Variants in DGKB observed in about 807,000 individuals in gnomAD.
DGKB encodes 90 kDa diacylglycerol kinase.
A neutral mutation model predicts 114.3 loss-of-function variants in DGKB; 67 were observed. The observed-to-expected ratio is 0.59, with a 90% CI of 0.48 to 0.72. The LOEUF is 0.72. Among genes scored for constraint, DGKB ranks in the 30% least tolerant of loss-of-function variants. DGKB has a pLI of 0.00. For synonymous variants in DGKB, 398 were observed against 323.1 expected (o/e 1.23, Z -2.49); for missense variants, 907 against 975.2 (o/e 0.93, Z 0.93).
chr7:14,422,115 G>C (rs759603954), intron 21 of DGKB, among the ~76,000 whole-genome samples: 15 of 151,936 alleles, frequency 9.9e-5, no homozygotes, highest in Non-Finnish European at 1.6e-4. Flanking sequence ...TCAATTTGCT[G>C]AATCATATTA....
chr7:14,939,351 T>G (rs1230802865), intron 1 of DGKB, among the ~76,000 whole-genome samples: 1 of 152,196 alleles, frequency 6.6e-6, no homozygotes, highest in East Asian at 1.9e-4. Flanking sequence ...AAAGTAGTGC[T>G]TATCGCATTA....
chr7:14,368,573 CTGTGTGTGTG>C (rs3069084), intron 21 of DGKB, among the ~76,000 whole-genome samples: 6 of 148,728 alleles, frequency 4.0e-5, no homozygotes, highest in East Asian at 2.0e-4. Context: ...GGTATTTTCT[CTGTGTGTGTG>C]TGTGTGTGTG....
intron 23 of DGKB, among the ~76,000 whole-genome samples, chr7:14,182,605 C>T (rs1672784860): frequency 6.6e-6 from 1 of 152,036 alleles, no homozygotes; most frequent in Admixed American, 6.6e-5. Flanking sequence ...TCTTTATAAA[C>T]TTTATAAATC....
At chr7:14,616,363 T>C (rs1806521149) in intron 15 of DGKB, among the ~76,000 whole-genome samples, 3 of 151,486 alleles carry the variant, frequency 2.0e-5, no homozygotes, top group Admixed American at 1.3e-4. Context: ...TGTAGTTAGG[T>C]ACCAACGTTA....
At chr7:14,170,260 G>C (rs1018845175) in intron 25 of DGKB, among the ~76,000 whole-genome samples, 1 of 152,074 alleles carries the variant, frequency 6.6e-6, no homozygotes, top group Non-Finnish European at 1.5e-5. Context: ...ATAATTAAGA[G>C]ATTAAAACCC....
At chr7:14,408,799 A>T (rs902204156) in intron 21 of DGKB, among the ~76,000 whole-genome samples, 2 of 152,092 alleles carry the variant, frequency 1.3e-5, no homozygotes, top group African/African-American at 4.8e-5. Flanking sequence ...TTTTTTTTCA[A>T]CAAATATATT....
chr7:14,753,791 T>A, intron 4 of DGKB, 137 bp downstream of exon 4: 1 of 667,928 alleles, frequency 1.5e-6, no homozygotes, highest in Non-Finnish European at 2.6e-6. Flanking sequence ...AACCTATGAG[T>A]ATTATAGGCA....
intron 9 of DGKB, among the ~76,000 whole-genome samples, chr7:14,689,530 A>G (rs1822444254): frequency 6.6e-6 from 1 of 152,154 alleles, no homozygotes; most frequent in Non-Finnish European, 1.5e-5. Context: ...GAGAATGCAG[A>G]GAAAAGTTTT....
chr7:14,746,577 C>T (rs150041045), intron 4 of DGKB, among the ~76,000 whole-genome samples: 1 of 152,162 alleles, frequency 6.6e-6, no homozygotes, highest in African/African-American at 2.4e-5. Context: ...TGGCTCACTG[C>T]AACTTCCGCC....
intron 20 of DGKB, among the ~76,000 whole-genome samples, chr7:14,556,319 A>C: frequency 6.6e-6 from 1 of 152,256 alleles, no homozygotes; most frequent in Non-Finnish European, 1.5e-5. Context: ...TTAGAGGTTT[A>C]AAAAATATAT....
intron 15 of DGKB, among the ~76,000 whole-genome samples, chr7:14,615,624 T>C (rs1327871603): frequency 6.6e-6 from 1 of 151,854 alleles, no homozygotes; most frequent in African/African-American, 2.4e-5. Context: ...AGAGCAATGA[T>C]GATATTCCAC....
At chr7:14,796,374 A>T (rs1305769366) in intron 2 of DGKB, among the ~76,000 whole-genome samples, 1 of 152,192 alleles carries the variant, frequency 6.6e-6, no homozygotes, top group Admixed American at 6.5e-5. Context: ...AAAAAATTAA[A>T]GTTGAACACA....
At chr7:14,860,179 A>G (rs1850765221) in intron 1 of DGKB, among the ~76,000 whole-genome samples, 1 of 152,276 alleles carries the variant, frequency 6.6e-6, no homozygotes, top group Admixed American at 6.5e-5. Flanking sequence ...TAAAAAGGAC[A>G]GCATAATATA....
At chr7:14,691,186 A>G (rs1016902458) in intron 9 of DGKB, among the ~76,000 whole-genome samples, 3 of 152,218 alleles carry the variant, frequency 2.0e-5, no homozygotes, top group South Asian at 2.1e-4. Flanking sequence ...TTACATTAGA[A>G]GTGAAGATTA....
In DGKB at chr7:14,871,580, G is replaced by A. The variant is rs1852464647; in HGVS notation, c.-187-30130C>T. On this transcript the variant is annotated intron_variant, in intron 1 of 25. Transcript: ENST00000402815. ...GGGATGCTAATACGCCTAGATACTT[G>A]GTATGCTATGATCACCTGGAATTTA... Among the ~76,000 whole-genome samples the A allele has an allele frequency of 2.0e-5, 3 of 152,146 alleles. No individual in the cohort carries two copies. In the South Asian group the frequency reaches 6.2e-4, roughly 32 times the overall value.
intron 1 of DGKB, among the ~76,000 whole-genome samples, chr7:14,882,567 A>T (rs1854402179): frequency 6.6e-6 from 1 of 151,980 alleles, no homozygotes; most frequent in African/African-American, 2.4e-5. Flanking sequence ...ACCCATTCAT[A>T]ATTTATCATC....
intron 20 of DGKB, among the ~76,000 whole-genome samples, chr7:14,497,506 T>C (rs1012782026): frequency 1.3e-5 from 2 of 151,842 alleles, no homozygotes; most frequent in African/African-American, 2.4e-5. Context: ...TCCTTAGCTC[T>C]ATGTTCCTAG....
intron 1 of DGKB, among the ~76,000 whole-genome samples, chr7:14,947,026 AG>A (rs1274719616): frequency 2.6e-5 from 4 of 151,694 alleles, no homozygotes; most frequent in African/African-American, 9.7e-5. Flanking sequence ...AAGATTAATT[AG>A]CATAGAGAGT....
chr7:14,363,424 A>G (rs1290214031), intron 21 of DGKB, among the ~76,000 whole-genome samples: 1 of 152,118 alleles, frequency 6.6e-6, no homozygotes, highest in East Asian at 1.9e-4. Flanking sequence ...TAAAAGAAAG[A>G]AAAGTAAAAA....
Sources: allele counts gnomAD v4.1 joint callset (sites outside exome capture counted in the v4.1 genomes callset), GRCh38; gene constraint gnomAD v4.1.1; transcripts MANE v1.5; gene names NCBI Gene and HGNC (gene_info 2026-07-23, HGNC 2026-07-21).